LYZL2: variants seen among roughly 807,000 people sequenced by gnomAD.
LYZL2 encodes the protein lysozyme like 2.
LYZL2 carries 13 observed loss-of-function variants against 17.1 expected under a neutral mutation model. The observed-to-expected ratio is 0.76, with a 90% confidence interval of 0.49 to 1.21. The LOEUF (loss-of-function observed/expected upper bound fraction) is 1.21. Among genes scored for constraint, LYZL2 ranks in the 50% most tolerant of loss-of-function variants. The pLI is 0.00. For synonymous variants in LYZL2, 63 were observed against 74.4 expected (o/e 0.85, Z 0.79); for missense variants, 166 against 189.2 (o/e 0.88, Z 0.72).
chr10:30,623,443 A>C (rs577147233), intron 3 of LYZL2, among the ~76,000 whole-genome samples: 65 of 152,318 alleles, frequency 4.3e-4, no homozygotes, highest in African/African-American at 1.5e-3. Context: ...CTGTGGCCTC[A>C]CAGCAGGAGG....
At chr10:30,612,288 A>T (rs1838458219) in intron 4 of LYZL2, among the ~76,000 whole-genome samples, 1 of 152,172 alleles carries the variant, frequency 6.6e-6, no homozygotes, top group Non-Finnish European at 1.5e-5. Context: ...ATCTGTGAAA[A>T]TTCGGGTTCC....
At chr10:30,611,139 A>G (rs1838426729), downstream of LYZL2, among the ~76,000 whole-genome samples, 2 of 152,246 alleles carry the variant, frequency 1.3e-5, no homozygotes, top group Middle Eastern at 6.8e-3. Context: ...ACTCCCTACA[A>G]TGAAGAAGGG....
At chr10:30,624,708 G>A (rs953845745) in intron 3 of LYZL2, among the ~76,000 whole-genome samples, 1 of 152,220 alleles carries the variant, frequency 6.6e-6, no homozygotes, top group Non-Finnish European at 1.5e-5. Context: ...TTTGTGTGGA[G>A]ACAGAGTCTG....
At chr10:30,626,347 C>A in intron 2 of LYZL2, 84 bp from the exon 3 acceptor site, 1 of 1,562,186 alleles carries the variant, frequency 6.4e-7, no homozygotes. Context: ...TTTCCTCATC[C>A]CTGTTACCTG....
intron 3 of LYZL2, among the ~76,000 whole-genome samples, chr10:30,622,339 G>A (rs990363768): frequency 5.3e-5 from 8 of 152,104 alleles, no homozygotes; most frequent in African/African-American, 1.9e-4. Context: ...AAGGTCAGGA[G>A]ATCGAGACCA....
intron 3 of LYZL2, among the ~76,000 whole-genome samples, chr10:30,621,807 TCCA>T (rs1271048590): frequency 6.6e-6 from 1 of 152,116 alleles, no homozygotes; most frequent in Non-Finnish European, 1.5e-5. Context: ...CTCAAGTAAA[TCCA>T]CCAAAGGAAT....
intron 1 of LYZL2, among the ~76,000 whole-genome samples, chr10:30,627,541 G>A (rs1838733920): frequency 6.6e-6 from 1 of 151,994 alleles, no homozygotes; most frequent in Non-Finnish European, 1.5e-5. Context: ...TTTACAAATA[G>A]TAAATATATC....
downstream of LYZL2, among the ~76,000 whole-genome samples, chr10:30,611,612 A>AAAGAAAGG (rs1491575606): frequency 6.8e-6 from 1 of 147,190 alleles, no homozygotes; most frequent in South Asian, 2.2e-4. Context: ...AGAAAGAAAG[A>AAAGAAAGG]AAGAGAAAGA....
At chr10:30,614,441 G>A (rs754971633) in intron 3 of LYZL2, among the ~76,000 whole-genome samples, 7 of 152,186 alleles carry the variant, frequency 4.6e-5, no homozygotes, top group African/African-American at 1.2e-4. Flanking sequence ...GGGTCACCCC[G>A]GAAGGGAGCA....
chr10:30,626,889 G>A lies in LYZL2; in HGVS notation c.27C>T (p.Leu9=), dbSNP rs201418773. ...CGGCGCCTGTGACCAGGCAGCCAAT[G>A]AGGGTCAGAATGCCCGCAGCCTTCA... MKAAGILT[L]IGCLVTGAES... Residue 9 remains leucine (L), a synonymous_variant, in exon 2 of 5, where the codon CTC becomes CTT. Coordinates refer to ENST00000647634, the MANE Select transcript of LYZL2 (RefSeq NM_183058.3). 1.1e-5 allele frequency: 17 copies of A among 1,614,150 alleles called. No homozygotes were observed. The highest frequency in any genetic ancestry group is 1.4e-5 in the Non-Finnish European group (16 of 1,180,002).
the LYZL2 span, among the ~76,000 whole-genome samples, chr10:30,606,624 T>C: frequency 3.7e-4 from 57 of 152,264 alleles, no homozygotes; most frequent in African/African-American, 1.1e-3. Context: ...TTATTCCTAT[T>C]TTACAGGAGG....
downstream of LYZL2, among the ~76,000 whole-genome samples, chr10:30,611,613 A>AAGAAAGAG (rs1205062475): frequency 1.4e-5 from 2 of 139,438 alleles, no homozygotes; most frequent in African/African-American, 2.7e-5. Context: ...GAAAGAAAGA[A>AAGAAAGAG]AGAGAAAGAA....
downstream of LYZL2, among the ~76,000 whole-genome samples, chr10:30,607,642 C>T (rs1047127547): frequency 1.8e-4 from 28 of 152,130 alleles, no homozygotes; most frequent in African/African-American, 6.0e-4. Context: ...CTGTTCAAGG[C>T]AGAGTGCTGT....
intron 3 of LYZL2, among the ~76,000 whole-genome samples, chr10:30,618,114 A>G (rs1044949282): frequency 5.9e-5 from 9 of 151,656 alleles, no homozygotes; most frequent in Admixed American, 5.3e-4. Context: ...AATCCAACTT[A>G]CAAGGGACGT....
chr10:30,622,507 C>T (rs2132946403), intron 3 of LYZL2, among the ~76,000 whole-genome samples: 1 of 151,468 alleles, frequency 6.6e-6, no homozygotes, highest in East Asian at 1.9e-4. Context: ...CAAGATCGCG[C>T]CACTGTACTC....
downstream of LYZL2, among the ~76,000 whole-genome samples, chr10:30,608,701 G>A (rs1368776082): frequency 2.0e-5 from 3 of 152,148 alleles, no homozygotes; most frequent in African/African-American, 7.2e-5. Context: ...ATATCCCAAG[G>A]TTGTTGTGAG....
At chr10:30,611,530 A>G (rs868821746), downstream of LYZL2, among the ~76,000 whole-genome samples, 4 of 80,424 alleles carry the variant, frequency 5.0e-5, no homozygotes, top group Admixed American at 1.5e-4. Context: ...GGAAAAAGAA[A>G]GAAGGAAGGA....
At chr10:30,615,497 G>T (rs1367133497) in intron 3 of LYZL2, among the ~76,000 whole-genome samples, 1 of 151,976 alleles carries the variant, frequency 6.6e-6, no homozygotes, top group Non-Finnish European at 1.5e-5. Context: ...CTTGAAATTT[G>T]CTGATAGTGG....
chr10:30,614,353 A>T (rs1838494977), intron 3 of LYZL2, among the ~76,000 whole-genome samples: 1 of 152,230 alleles, frequency 6.6e-6, no homozygotes, highest in South Asian at 2.1e-4. Flanking sequence ...CTCCCGAGTG[A>T]GCACTGCCCA....
Sources: allele counts gnomAD v4.1 joint callset (sites outside exome capture counted in the v4.1 genomes callset), GRCh38; gene constraint gnomAD v4.1.1; transcripts MANE v1.5; gene names NCBI Gene and HGNC (gene_info 2026-07-23, HGNC 2026-07-21).